The following SSBP2 variants were observed in gnomAD, a reference collection of about 807,000 sequenced individuals.
SSBP2 encodes the protein single stranded DNA binding protein 2.
SSBP2 carries 17 observed loss-of-function variants against 61.8 expected under a neutral mutation model. The observed-to-expected ratio is 0.28, with a 90% CI of 0.19 to 0.41. The LOEUF (loss-of-function observed/expected upper bound fraction) is 0.41. SSBP2 is among the 10% of genes least tolerant of loss of function. The probability of loss-of-function intolerance (pLI) is 1.00; values close to 1 mark genes in which losing one functional copy is unlikely to be tolerated. For synonymous variants in SSBP2, 139 were observed against 141.3 expected (o/e 0.98, Z 0.12); for missense variants, 310 against 458.7 (o/e 0.68, Z 2.96).
At chr5:81,591,486 C>G (rs931541709) in intron 4 of SSBP2, among the ~76,000 whole-genome samples, 1 of 152,010 alleles carries the variant, frequency 6.6e-6, no homozygotes, top group Non-Finnish European at 1.5e-5. Flanking sequence ...TTGGAACTAT[C>G]AGATAGGAAG....
At chr5:81,593,656 T>C (rs1300411694) in intron 4 of SSBP2, among the ~76,000 whole-genome samples, 1 of 152,184 alleles carries the variant, frequency 6.6e-6, no homozygotes, top group East Asian at 1.9e-4. Context: ...GCAGAAACTC[T>C]ACAAGCCAGA....
chr5:81,442,801 G>T, intron 12 of SSBP2, 78 bp from the exon 13 acceptor site: 2 of 739,422 alleles, frequency 2.7e-6, no homozygotes, highest in Non-Finnish European at 4.4e-6. Context: ...GATCAAAGAT[G>T]GTTTGCATAC....
intron 1 of SSBP2, among the ~76,000 whole-genome samples, chr5:81,698,253 A>C (rs1249466230): frequency 6.6e-6 from 1 of 152,248 alleles, no homozygotes; most frequent in Admixed American, 6.5e-5. Flanking sequence ...CATTATGTGT[A>C]AACAATAAAA....
chr5:81,724,533 T>C (rs1019822480), intron 1 of SSBP2, among the ~76,000 whole-genome samples: 2 of 152,060 alleles, frequency 1.3e-5, no homozygotes, highest in African/African-American at 4.8e-5. Flanking sequence ...AATTCGTACA[T>C]AGTAAGTGTG....
At chr5:81,677,387 T>C (rs564367403) in intron 1 of SSBP2, among the ~76,000 whole-genome samples, 31 of 152,168 alleles carry the variant, frequency 2.0e-4, no homozygotes, top group African/African-American at 6.7e-4. Flanking sequence ...AATCACAGCT[T>C]ACCATAAGAA....
intron 1 of SSBP2, among the ~76,000 whole-genome samples, chr5:81,739,303 T>G (rs1374516872): frequency 6.6e-6 from 1 of 151,866 alleles, no homozygotes; most frequent in East Asian, 1.9e-4. Flanking sequence ...ACCAACTATA[T>G]CATACCTTTT....
intron 5 of SSBP2, among the ~76,000 whole-genome samples, chr5:81,504,989 T>C (rs1022890215): frequency 5.9e-5 from 9 of 152,084 alleles, no homozygotes; most frequent in Non-Finnish European, 1.2e-4. Context: ...CCCCTAAGAG[T>C]TGGGTGGCTC....
chr5:81,540,256 C>G (rs1273706916), intron 4 of SSBP2, among the ~76,000 whole-genome samples: 2 of 152,168 alleles, frequency 1.3e-5, no homozygotes, highest in Non-Finnish European at 2.9e-5. Flanking sequence ...GGGTATATAG[C>G]CAGTAATGGG....
intron 1 of SSBP2, among the ~76,000 whole-genome samples, chr5:81,676,030 T>C (rs780021273): frequency 2.0e-5 from 3 of 152,188 alleles, no homozygotes; most frequent in Non-Finnish European, 4.4e-5. Context: ...TGCAGATGTA[T>C]TTATTCAACT....
chr5:81,659,948 G>T (rs1470621427), intron 1 of SSBP2, among the ~76,000 whole-genome samples: 1 of 151,908 alleles, frequency 6.6e-6, no homozygotes, highest in Non-Finnish European at 1.5e-5. Flanking sequence ...AAATGGTGCT[G>T]GAAAAATTGG....
chr5:81,728,207 ATTTCAGGAACAGAT>A (rs1181745374), intron 1 of SSBP2, among the ~76,000 whole-genome samples: 1 of 152,180 alleles, frequency 6.6e-6, no homozygotes, highest in African/African-American at 2.4e-5. Flanking sequence ...TGCAACAAGC[ATTTCAGGAACAGAT>A]GACTTTTTCT....
intron 1 of SSBP2, among the ~76,000 whole-genome samples, chr5:81,731,179 T>G (rs1478531219): frequency 1.3e-5 from 2 of 152,334 alleles, no homozygotes; most frequent in South Asian, 4.1e-4. Flanking sequence ...GAGTACAATA[T>G]CTATCTCATT....
At chr5:81,531,401 T>C (rs1180215284) in intron 4 of SSBP2, among the ~76,000 whole-genome samples, 1 of 151,872 alleles carries the variant, frequency 6.6e-6, no homozygotes, top group Admixed American at 6.6e-5. Flanking sequence ...AGAATATAAA[T>C]AAATAAGACA....
chr5:81,692,930 G>A (rs1480632610), intron 1 of SSBP2, among the ~76,000 whole-genome samples: 2 of 152,140 alleles, frequency 1.3e-5, no homozygotes, highest in African/African-American at 2.4e-5. Flanking sequence ...AGGAGGCCAG[G>A]TGTGGTGGCT....
intron 11 of SSBP2, among the ~76,000 whole-genome samples, chr5:81,447,563 G>T (rs1228027377): frequency 2.0e-5 from 3 of 152,176 alleles, no homozygotes; most frequent in African/African-American, 4.8e-5. Context: ...TTCAGGCAAT[G>T]GGTTGTAGGC....
At chr5:81,714,388 G>A (rs892944748) in intron 1 of SSBP2, among the ~76,000 whole-genome samples, 3 of 152,140 alleles carry the variant, frequency 2.0e-5, no homozygotes, top group Non-Finnish European at 2.9e-5. Context: ...TGCCTTTATA[G>A]TAGAATGATT....
At chr5:81,622,989 T>TAC (rs1746759716) in intron 3 of SSBP2, among the ~76,000 whole-genome samples, 2 of 152,188 alleles carry the variant, frequency 1.3e-5, no homozygotes, top group African/African-American at 2.4e-5. Context: ...TTCAATATTT[T>TAC]TAGGAGAGTG....
rs941266954 is a variant in SSBP2, at chr5:81,589,383, T to C, written c.282+26090A>G. Reference sequence around the variant, plus strand: ...GAGACTTTAAAACCAATAATAAAAATTTCTTTAAATAAATCAAAAACAGGA... The same window carrying C: ...GAGACTTTAAAACCAATAATAAAAACTTCTTTAAATAAATCAAAAACAGGA... On this transcript the variant is annotated intron_variant, in intron 4 of 16. Transcript: ENST00000320672. Among the ~76,000 whole-genome samples, 7 of 152,282 alleles carry C rather than the reference T, an allele frequency of 4.6e-5. No homozygotes were observed. The East Asian group carries it at 1.3e-3, about 29-fold the overall frequency.
intron 1 of SSBP2, among the ~76,000 whole-genome samples, chr5:81,672,076 G>A (rs1319627072): frequency 6.6e-6 from 1 of 151,954 alleles, no homozygotes; most frequent in African/African-American, 2.4e-5. Flanking sequence ...GAAAGATTTT[G>A]CTCCATTATA....
Sources: gnomAD v4.1 joint callset for allele counts (sites outside exome capture counted in the v4.1 genomes callset) on GRCh38, gnomAD v4.1.1 for gene constraint, MANE v1.5 for transcripts, NCBI Gene and HGNC (gene_info 2026-07-23, HGNC 2026-07-21) for gene names.